EGLN1: variants seen among roughly 807,000 people sequenced by gnomAD.
EGLN1 encodes egl nine homolog 1.
EGLN1 carries 17 observed loss-of-function variants against 38.3 expected under a neutral mutation model. The observed-to-expected ratio is 0.44, with a 90% CI of 0.30 to 0.67. EGLN1 has a LOEUF of 0.67. EGLN1 is among the 30% of genes least tolerant of loss of function. The pLI is 0.08. For missense variants in EGLN1, 477 were observed against 603.3 expected, an observed-to-expected ratio of 0.79 and a Z score of 2.19; for synonymous variants, 283 against 257.5, an observed-to-expected ratio of 1.10 and a Z score of -0.95.
chr1:231,386,009 T>C (rs1469928267), intron 1 of EGLN1, among the ~76,000 whole-genome samples: 2 of 152,078 alleles, frequency 1.3e-5, no homozygotes, highest in African/African-American at 4.8e-5. Context: ...GACAGGGTCT[T>C]ACTTACTATG....
intron 1 of EGLN1, among the ~76,000 whole-genome samples, chr1:231,391,083 G>GTTTTT (rs111257907): frequency 1.0e-4 from 5 of 49,800 alleles, no homozygotes; most frequent in African/African-American, 2.6e-4. Context: ...AACTCATTCT[G>GTTTTT]TTTTTTTTTT....
At chr1:231,371,504 C>T (rs995745134) in intron 2 of EGLN1, among the ~76,000 whole-genome samples, 11 of 152,096 alleles carry the variant, frequency 7.2e-5, no homozygotes, top group Admixed American at 3.9e-4. Context: ...TCATTATTGT[C>T]GTCGTCACCA....
intron 1 of EGLN1, among the ~76,000 whole-genome samples, chr1:231,406,165 C>CAAAAAAAAAA (rs5781651): frequency 3.4e-4 from 47 of 139,110 alleles, no homozygotes; most frequent in African/African-American, 4.6e-4. Context: ...GACTCCGTCT[C>CAAAAAAAAAA]AAAAAAAAAA....
intron 1 of EGLN1, among the ~76,000 whole-genome samples, chr1:231,398,921 A>C (rs1688598307): frequency 6.6e-6 from 1 of 152,224 alleles, no homozygotes; most frequent in African/African-American, 2.4e-5. Context: ...AAAGGAGATC[A>C]AGAACATGAG....
intron 1 of EGLN1, among the ~76,000 whole-genome samples, chr1:231,379,964 G>A (rs1688042460): frequency 6.6e-6 from 1 of 152,128 alleles, no homozygotes; most frequent in Non-Finnish European, 1.5e-5. Context: ...TCACTACCTT[G>A]GGGGTCTACA....
chr1:231,382,337 AT>A (rs1688097025), intron 1 of EGLN1, among the ~76,000 whole-genome samples: 2 of 152,306 alleles, frequency 1.3e-5, no homozygotes, highest in South Asian at 4.1e-4. Flanking sequence ...CCTGACATTC[AT>A]CCTGGAGCAC....
In EGLN1 at chr1:231,373,992, G is replaced by C. The variant is rs746020646; in HGVS notation, c.999C>G (p.Asp333Glu). 6.2e-7 allele frequency: 1 copy of C among 1,613,714 alleles called. No individual in the cohort carries two copies. The highest frequency in any genetic ancestry group is 1.1e-5 in the South Asian group (1 of 91,068). ...CVTCIYYLNK[D>E]WDAKVSGGIL... ...TTAAGTTGCATACCTTGGCATCCCAGTCTTTATTAAGATAATATATACATG... is the reference window on the plus strand; with the variant it reads ...TTAAGTTGCATACCTTGGCATCCCACTCTTTATTAAGATAATATATACATG... The change falls in exon 2 of 5, where the codon GAC becomes GAG. Residue 333 changes from aspartate (D) to glutamate (E), a missense_variant. Physicochemically the swap from Asp to Glu is conservative, Grantham distance 45. This residue lies in a region of EGLN1 where 59 missense variants were observed against 119.0 expected (regional missense o/e 0.50). Transcript: ENST00000366641.
chr1:231,380,315 CAAAAAAAAA>C (rs35280417), intron 1 of EGLN1, among the ~76,000 whole-genome samples: 6 of 101,842 alleles, frequency 5.9e-5, no homozygotes, highest in East Asian at 2.9e-4. Flanking sequence ...GACTCCGTCT[CAAAAAAAAA>C]AAAAAAAAAA....
chr1:231,400,607 A>C (rs115017685), intron 1 of EGLN1, among the ~76,000 whole-genome samples: 1,840 of 152,342 alleles, frequency 0.012, 34 homozygotes, highest in African/African-American at 0.04. Context: ...ATACTATCAA[A>C]ATAATGTTCC....
chr1:231,392,639 T>C (rs1389069446), intron 1 of EGLN1, among the ~76,000 whole-genome samples: 2 of 152,192 alleles, frequency 1.3e-5, no homozygotes, highest in Non-Finnish European at 1.5e-5. Flanking sequence ...AATGACAGTA[T>C]ACACTTCAAA....
At chr1:231,405,367 C>T (rs966876832) in intron 1 of EGLN1, among the ~76,000 whole-genome samples, 2 of 151,872 alleles carry the variant, frequency 1.3e-5, no homozygotes, top group Non-Finnish European at 2.9e-5. Context: ...TTAGTAGAGA[C>T]AGGGTTTTAC....
intron 1 of EGLN1, among the ~76,000 whole-genome samples, chr1:231,375,668 C>T (rs1208496271): frequency 2.6e-5 from 4 of 152,158 alleles, no homozygotes; most frequent in Non-Finnish European, 5.9e-5. Flanking sequence ...TCTTTCAGCA[C>T]TGGAGGTTGG....
At chr1:231,391,506 G>T (rs1174969591) in intron 1 of EGLN1, among the ~76,000 whole-genome samples, 1 of 151,750 alleles carries the variant, frequency 6.6e-6, no homozygotes, top group Non-Finnish European at 1.5e-5. Flanking sequence ...TTTCAGACAG[G>T]ATTAAAAAAA....
Position 231,421,574 on chromosome 1 carries a change from C to G in EGLN1, c.315G>C (p.Gly105=), listed in dbSNP as rs916118582. Residue 105 remains glycine, a synonymous_variant, in exon 1 of 5, where the codon GGG becomes GGC. Coordinates refer to ENST00000366641, the MANE Select transcript of EGLN1 (RefSeq NM_022051.3). The surrounding 1 kb of genome is among the most constrained non-coding windows in gnomAD (Gnocchi z 5.5). ...CCTTTACTTTTCCCTTGGCCGCGTC[C>G]CCGGAGGCGTTGTCCCGGCGCGCCG... ...KAAARRDNAS[G]DAAKGKVKAK... is the part of the protein sequence containing the mutation. The G allele has an allele frequency of 7.6e-7, 1 of 1,311,630 alleles. No homozygotes were observed. Among genetic ancestry groups the G allele is most frequent in the Non-Finnish European group, 9.6e-7 (1 of 1,038,078 alleles). 81.2% of individuals were successfully genotyped at this position (1,311,630 alleles called of 1,614,324 possible).
chr1:231,377,469 A>G (rs1687988924), intron 1 of EGLN1, among the ~76,000 whole-genome samples: 1 of 152,236 alleles, frequency 6.6e-6, no homozygotes, highest in African/African-American at 2.4e-5. Flanking sequence ...TGATTTGCTA[A>G]TGAGTGGAGA....
rs144841251 is a variant in EGLN1, at chr1:231,408,986, G to A, written c.891+12012C>T. Among the ~76,000 whole-genome samples, 834 of 151,518 alleles carry A rather than the reference G, an allele frequency of 5.5e-3. 7 individuals are homozygous for A. The highest frequency in any genetic ancestry group is 0.019 in the African/African-American group (789 of 41,180). ...ATGTTCTTTATAAAAAAGTAGCAAT[G>A]GACAGAATGAACTAGAAAGATACAA... On this transcript the variant is annotated intron_variant, in intron 1 of 4. Coordinates refer to ENST00000366641, the MANE Select transcript of EGLN1 (RefSeq NM_022051.3).
chr1:231,397,450 C>T (rs1416914), intron 1 of EGLN1, among the ~76,000 whole-genome samples: 79,178 of 151,774 alleles, frequency 0.52, 22,635 homozygotes, highest in Non-Finnish European at 0.64. Flanking sequence ...CTATAGCCTG[C>T]AGGCCAAATA....
At chr1:231,374,788 T>C (rs1687916686) in intron 1 of EGLN1, among the ~76,000 whole-genome samples, 1 of 152,146 alleles carries the variant, frequency 6.6e-6, no homozygotes, top group Admixed American at 6.5e-5. Flanking sequence ...CAGTGATTTT[T>C]TTTTAAAAAA....
chr1:231,418,626 G>C (rs1276463323), intron 1 of EGLN1, among the ~76,000 whole-genome samples: 1 of 152,116 alleles, frequency 6.6e-6, no homozygotes, highest in Non-Finnish European at 1.5e-5. Flanking sequence ...TACTTTGGGA[G>C]GACAAGGCAG....
Sources: allele counts gnomAD v4.1 joint callset (sites outside exome capture counted in the v4.1 genomes callset), GRCh38; gene constraint gnomAD v4.1.1; regional missense constraint gnomAD v4.1.1; non-coding constraint Gnocchi (gnomAD v3.1); transcripts MANE v1.5; gene names NCBI Gene and HGNC (gene_info 2026-07-23, HGNC 2026-07-21).